FRY: variants seen among roughly 807,000 people sequenced by gnomAD.
FRY encodes the protein FRY microtubule binding protein.
A neutral mutation model predicts 348.4 loss-of-function variants in FRY; 128 were observed. That is an observed-to-expected ratio of 0.37 (90% CI 0.32 to 0.43). The LOEUF (loss-of-function observed/expected upper bound fraction) is 0.43, where lower values mean the gene tolerates loss of function less well. FRY is among the 20% of genes least tolerant of loss of function. The pLI is 1.00. For synonymous variants in FRY, 1,370 were observed against 1,374.7 expected, an observed-to-expected ratio of 1.00 and a Z score of 0.08; for missense variants, 2,736 against 3,695.2, an observed-to-expected ratio of 0.74 and a Z score of 6.73.
chr13:32,125,903 G>A (rs1442345505), intron 7 of FRY, among the ~76,000 whole-genome samples: 1 of 152,112 alleles, frequency 6.6e-6, no homozygotes, highest in Non-Finnish European at 1.5e-5. Context: ...GAGAAATAAA[G>A]CTCAACCGCT....
intron 34 of FRY, among the ~76,000 whole-genome samples, chr13:32,211,446 A>C (rs946201312): frequency 6.6e-6 from 1 of 152,206 alleles, no homozygotes; most frequent in Non-Finnish European, 1.5e-5. Context: ...GCGACAGAGC[A>C]AGACTGTATC....
chr13:32,218,837 T>A lies in FRY; in HGVS notation c.4765+6T>A. The A allele has an allele frequency of 6.5e-7, 1 of 1,535,838 alleles. No homozygotes were observed. The highest frequency in any genetic ancestry group is 9.0e-7 in the Non-Finnish European group (1 of 1,108,816). ...ATCCTACGATGAAGATAAAAGTAAG[T>A]ACCAACAGGCTGTGGGCTTTCAGAC... On this transcript the variant is annotated splice_donor_region_variant and intron_variant, in intron 36 of 60. Transcript: ENST00000542859.
chr13:32,075,951 G>A (rs888334810), intron 1 of FRY, among the ~76,000 whole-genome samples: 1 of 152,214 alleles, frequency 6.6e-6, no homozygotes, highest in Admixed American at 6.5e-5. Flanking sequence ...TGTTCATATA[G>A]TTTTATCTTT....
intron 43 of FRY, among the ~76,000 whole-genome samples, chr13:32,236,648 CT>C (rs1886242127): frequency 6.6e-6 from 1 of 151,684 alleles, no homozygotes; most frequent in Admixed American, 6.6e-5. Flanking sequence ...TTTTTTGCTC[CT>C]GCCAATGTTT....
At chr13:32,245,669 C>G (rs542790214) in intron 47 of FRY, among the ~76,000 whole-genome samples, 12 of 151,926 alleles carry the variant, frequency 7.9e-5, no homozygotes, top group African/African-American at 2.7e-4. Flanking sequence ...GTTTCTAGAG[C>G]CTGGAAGTTA....
chr13:32,088,104 G>A (rs1390816186), intron 2 of FRY, among the ~76,000 whole-genome samples: 1 of 152,190 alleles, frequency 6.6e-6, no homozygotes, highest in African/African-American at 2.4e-5. Flanking sequence ...CAGCCTTAAT[G>A]TCTTTCTGCA....
intron 11 of FRY, among the ~76,000 whole-genome samples, chr13:32,145,823 C>T (rs574045807): frequency 1.1e-4 from 17 of 152,154 alleles, no homozygotes; most frequent in East Asian, 5.8e-4. Flanking sequence ...GGATTACAGG[C>T]GTGAGCCACC....
At chr13:32,212,419 G>T in intron 35 of FRY, 37 bp downstream of exon 35, 4 of 1,200,082 alleles carry the variant, frequency 3.3e-6, no homozygotes, top group Non-Finnish European at 4.9e-6. Flanking sequence ...CCAGTGTAAT[G>T]TTCTGCAATA....
intron 2 of FRY, among the ~76,000 whole-genome samples, chr13:32,097,535 G>T (rs1307323433): frequency 6.6e-6 from 1 of 151,412 alleles, no homozygotes; most frequent in African/African-American, 2.4e-5. Context: ...TAATTTTTGT[G>T]TTTTTAGTAG....
At chr13:32,095,695 G>C (rs921458722) in intron 2 of FRY, among the ~76,000 whole-genome samples, 6 of 152,078 alleles carry the variant, frequency 3.9e-5, no homozygotes, top group African/African-American at 1.4e-4. Flanking sequence ...ATTTTTGCTT[G>C]GGTTGCCTGT....
intron 48 of FRY, among the ~76,000 whole-genome samples, chr13:32,248,141 C>T (rs1299348001): frequency 6.6e-6 from 1 of 152,170 alleles, no homozygotes; most frequent in African/African-American, 2.4e-5. Flanking sequence ...TCTCTTACCC[C>T]ATGACTCATG....
At chr13:32,082,306 C>G (rs1414430372) in intron 2 of FRY, among the ~76,000 whole-genome samples, 1 of 150,594 alleles carries the variant, frequency 6.6e-6, no homozygotes, top group Non-Finnish European at 1.5e-5. Context: ...TTCTCTTGTT[C>G]TGCAGAATGG....
intron 3 of FRY, among the ~76,000 whole-genome samples, chr13:32,104,738 G>A (rs1877425466): frequency 6.6e-6 from 1 of 152,162 alleles, no homozygotes; most frequent in Non-Finnish European, 1.5e-5. Context: ...GAGGGACCCA[G>A]TGAGAGGTAA....
At chr13:32,113,136 T>C (rs1429258727) in intron 3 of FRY, among the ~76,000 whole-genome samples, 3 of 152,234 alleles carry the variant, frequency 2.0e-5, no homozygotes, top group Non-Finnish European at 4.4e-5. Context: ...TGATCAAGTA[T>C]AAATAAATTG....
At chr13:32,131,520 A>G in intron 7 of FRY, 152 bp from the exon 8 acceptor site, 1 of 644,010 alleles carries the variant, frequency 1.6e-6, no homozygotes, top group Non-Finnish European at 2.7e-6. Context: ...GCCAAATCCC[A>G]AACACCAAAT....
chr13:32,217,075 T>C (rs1033300913), intron 35 of FRY, among the ~76,000 whole-genome samples: 7 of 152,198 alleles, frequency 4.6e-5, no homozygotes, highest in African/African-American at 1.7e-4. Flanking sequence ...AACGTTACTC[T>C]TTCTCCACAC....
At chr13:32,203,549 C>A (rs1271625301) in intron 31 of FRY, among the ~76,000 whole-genome samples, 1 of 152,158 alleles carries the variant, frequency 6.6e-6, no homozygotes, top group African/African-American at 2.4e-5. Context: ...ATGGTGAAAC[C>A]CCATCTCTAC....
rs1884562497 is a variant in FRY at position 32,209,567 on chromosome 13, G to A, written c.4276-18G>A. ...CAGTTTTCACACATCTCTTGGGCCG[G>A]TTTTTATTTTGTTATAGTATGGAGA... On this transcript the variant is annotated intron_variant, in intron 32 of 60. Transcript: ENST00000542859. The A allele has an allele frequency of 6.2e-7, 1 of 1,613,716 alleles. No homozygotes were observed. The highest frequency in any genetic ancestry group is 1.1e-5 in the South Asian group (1 of 91,080).
chr13:32,033,216 A>G (rs945846311), intron 1 of FRY, among the ~76,000 whole-genome samples: 2 of 152,178 alleles, frequency 1.3e-5, no homozygotes, highest in African/African-American at 4.8e-5. Flanking sequence ...CATTATTTTT[A>G]TAATACTTTA....
Sources: allele counts gnomAD v4.1 joint callset (sites outside exome capture counted in the v4.1 genomes callset), GRCh38; gene constraint gnomAD v4.1.1; transcripts MANE v1.5; gene names NCBI Gene and HGNC (gene_info 2026-07-23, HGNC 2026-07-21).